BICRA: variants seen among roughly 807,000 people sequenced by gnomAD.
BICRA encodes BRD4-interacting chromatin-remodeling complex-associated protein.
Under a neutral mutation model 96.9 loss-of-function variants are expected in BICRA, and 31 were observed. The ratio of observed to expected loss-of-function variants is 0.32; its 90% CI spans 0.24 to 0.43. The LOEUF (loss-of-function observed/expected upper bound fraction) is 0.43, where lower values mean the gene tolerates loss of function less well. Ranked by LOEUF, BICRA falls within the 20% of genes least tolerant of loss-of-function variation. The pLI, the probability that BICRA is intolerant of heterozygous loss-of-function variation, is 1.00. For synonymous variants in BICRA, 1,350 were observed against 1,071.8 expected (o/e 1.26, Z -5.07); for missense variants, 2,283 against 2,190.3 (o/e 1.04, Z -0.84).
Position 47,680,968 on chromosome 19 carries a change from G to C in BICRA, c.1798G>C (p.Asp600His). Residue 600 changes from aspartate (D) to histidine (H), a missense_variant, in exon 6 of 15, where the codon GAC becomes CAC. Coordinates refer to ENST00000594866, the MANE Select transcript of BICRA (RefSeq NM_001394372.1). The part of the protein sequence containing the change: ...PSAVAMLNTP[D>H]GLVQPATPAA... Reference sequence around the variant, plus strand: ...CGCCGTGGCCATGCTCAACACCCCCGACGGCCTGGTGCAGCCGGCCACCCC... The same window carrying C: ...CGCCGTGGCCATGCTCAACACCCCCCACGGCCTGGTGCAGCCGGCCACCCC... The C allele has an allele frequency of 6.8e-7, 1 of 1,471,884 alleles. No homozygotes were observed. The highest frequency in any genetic ancestry group is 2.9e-5 in the East Asian group (1 of 35,044). 91.2% of individuals were successfully genotyped at this position (1,471,884 alleles called of 1,614,324 possible). A position where few individuals can be genotyped will look rare whatever the true frequency, so the allele number is the denominator to read the frequency against.
chr19:47,698,586 T>TGGGGGCTGTGCCCATTGCCC lies in BICRA; in HGVS notation c.3249-48_3249-47insGGGGGCTGTGCCCATTGCCC. The TGGGGGCTGTGCCCATTGCCC allele has an allele frequency of 1.4e-6, 1 of 716,714 alleles. No homozygotes were observed. Among genetic ancestry groups the TGGGGGCTGTGCCCATTGCCC allele is most frequent in the Non-Finnish European group, 2.5e-6 (1 of 392,850 alleles). The allele number at this position is 716,714 out of a possible 1,614,324, so 44.4% of individuals were successfully genotyped here. A position where few individuals can be genotyped will look rare whatever the true frequency, so the allele number is the denominator to read the frequency against. On this transcript the variant is annotated intron_variant, in intron 11 of 14. Coordinates refer to ENST00000594866, the MANE Select transcript of BICRA (RefSeq NM_001394372.1). This position sits in a 1 kb window ranked among gnomAD's most constrained non-coding sequence, Gnocchi z 4.8. ...AGGGACTTCCCCTGGCCCTCACCCG[T>TGGGGGCTGTGCCCATTGCCC]CCCCCCCACCCTCCGCCGTGTGTGG... is the stretch of plus-strand genomic sequence containing the variant.
chr19:47,679,172 AT>A, intron 5 of BICRA, 148 bp from the exon 6 acceptor site: 1 of 501,056 alleles, frequency 2.0e-6, no homozygotes, highest in Non-Finnish European at 3.4e-6. Flanking sequence ...AAGTGCTGAG[AT>A]TACAAGCGTG....
chr19:47,609,659 G>A (rs1225325115), intron 1 of BICRA, among the ~76,000 whole-genome samples: 1 of 151,790 alleles, frequency 6.6e-6, no homozygotes, highest in African/African-American at 2.4e-5. Flanking sequence ...CCGCCTTTCG[G>A]GGAAGGCGAA....
intron 8 of BICRA, 57 bp from the exon 9 acceptor site, chr19:47,694,843 G>C: frequency 7.6e-7 from 1 of 1,314,092 alleles, no homozygotes. Flanking sequence ...GCTGCGTCTG[G>C]ACACCCCTAC....
In BICRA at chr19:47,702,406, G is replaced by A; in HGVS notation, c.4674G>A (p.Leu1558=). The change falls in exon 15 of 15, where the codon TTG becomes TTA. Residue 1558 remains leucine (L), a synonymous_variant. Transcript: ENST00000594866. ...ACGGTGGCCTCGGCGCCAGGACGTT[G>A]ACCAGATAACACCGGGCCGCCTCCC... is the stretch of plus-strand genomic sequence containing the variant. ...SHNGGLGART[L]TR The A allele has an allele frequency of 1.3e-6, 2 of 1,512,304 alleles. No homozygotes were observed. Among genetic ancestry groups the A allele is most frequent in the Non-Finnish European group, 1.7e-6 (2 of 1,144,522 alleles). 93.7% of individuals were successfully genotyped at this position (1,512,304 alleles called of 1,614,324 possible). A position where few individuals can be genotyped will look rare whatever the true frequency, so the allele number is the denominator to read the frequency against.
chr19:47,661,131 G>A (rs368557142), intron 1 of BICRA, among the ~76,000 whole-genome samples: 7 of 150,486 alleles, frequency 4.7e-5, no homozygotes, highest in African/African-American at 7.4e-5. Flanking sequence ...GGAGAATGGC[G>A]TGAACCCGGG....
chr19:47,701,976 C>A lies in BICRA; in HGVS notation c.4244C>A (p.Ala1415Glu). ...PAGRARGGSP[A>E]PLPAKVDEAT... The stretch of plus-strand genomic sequence containing the variant: ...GGCAGGGCACGGGGAGGCAGCCCGG[C>A]GCCGCTGCCCGCCAAAGTGGACGAG... The change falls in exon 15 of 15, where the codon GCG (alanine) becomes GAG (glutamate). Residue 1415 changes from alanine to glutamate, a missense_variant. Physicochemically the swap from Ala to Glu is moderately radical, Grantham distance 107. Coordinates refer to ENST00000594866, the MANE Select transcript of BICRA (RefSeq NM_001394372.1). The surrounding 1 kb of genome is among the most constrained non-coding windows in gnomAD (Gnocchi z 5.4). 6.8e-7 allele frequency: 1 copy of A among 1,467,810 alleles called. No homozygotes were observed. The highest frequency in any genetic ancestry group is 8.9e-7 in the Non-Finnish European group (1 of 1,119,736). 90.9% of individuals were successfully genotyped at this position (1,467,810 alleles called of 1,614,324 possible).
In BICRA at chr19:47,698,937, GC is replaced by G; in HGVS notation, c.3398-25del. On this transcript the variant is annotated intron_variant, in intron 12 of 14. Coordinates refer to ENST00000594866, the MANE Select transcript of BICRA (RefSeq NM_001394372.1). The surrounding 1 kb of genome is among the most constrained non-coding windows in gnomAD (Gnocchi z 4.8). Reference sequence around the variant, plus strand: ...ATCCGCGGCCGCCCCCAACATCTCCGCCCTTGCCTCTCTTCCCTTCCTCGCA... The same window carrying G: ...ATCCGCGGCCGCCCCCAACATCTCCGCCTTGCCTCTCTTCCCTTCCTCGCA... 1 of 1,529,562 alleles carries G rather than the reference GC, an allele frequency of 6.5e-7. No individual in the cohort carries two copies. Among genetic ancestry groups the G allele is most frequent in the Non-Finnish European group, 8.9e-7 (1 of 1,123,684 alleles). 94.7% of individuals were successfully genotyped at this position (1,529,562 alleles called of 1,614,324 possible). A position where few individuals can be genotyped will look rare whatever the true frequency, so the allele number is the denominator to read the frequency against.
chr19:47,653,651 G>A (rs892868714), intron 1 of BICRA, among the ~76,000 whole-genome samples: 1 of 152,152 alleles, frequency 6.6e-6, no homozygotes, highest in Admixed American at 6.5e-5. Flanking sequence ...TTGGTGTCAT[G>A]CGTTCCAGGT....
intron 1 of BICRA, among the ~76,000 whole-genome samples, chr19:47,629,888 C>G (rs1972195820): frequency 6.6e-6 from 1 of 152,178 alleles, no homozygotes; most frequent in Non-Finnish European, 1.5e-5. Flanking sequence ...TAACTCCTGA[C>G]CTCAGGTGAT....
At position 47,680,334 on chromosome 19, in the gene BICRA, G is replaced by A. The variant is rs1973019339; in HGVS notation, c.1164G>A (p.Pro388=). 1.3e-6 allele frequency: 2 copies of A among 1,535,410 alleles called. No individual in the cohort carries two copies. Among genetic ancestry groups the A allele is most frequent in the Non-Finnish European group, 1.7e-6 (2 of 1,147,324 alleles). Residue 388 remains proline, a synonymous_variant, in exon 6 of 15, where the codon CCG becomes CCA. Transcript: ENST00000594866. ...LTIQGEPGAL[P]QQPKAPQNLT... ...TCCAGGGCGAGCCGGGGGCGCTCCC[G>A]CAGCAGCCCAAGGCCCCGCAGAACC...
intron 6 of BICRA, 109 bp from the exon 7 acceptor site, chr19:47,681,867 C>A: frequency 2.6e-6 from 2 of 776,552 alleles, no homozygotes; most frequent in Non-Finnish European, 4.0e-6. Context: ...CTGCCCACTA[C>A]CCCATTCTCT....
At chr19:47,614,751 T>G (rs1568544667) in intron 1 of BICRA, among the ~76,000 whole-genome samples, 1 of 152,212 alleles carries the variant, frequency 6.6e-6, no homozygotes, top group Non-Finnish European at 1.5e-5. Context: ...CCTCTATCTT[T>G]TTCTTGGCTG....
At chr19:47,668,057 T>C (rs1972809128) in intron 1 of BICRA, among the ~76,000 whole-genome samples, 1 of 152,112 alleles carries the variant, frequency 6.6e-6, no homozygotes, top group African/African-American at 2.4e-5. Flanking sequence ...AGTGAAACTC[T>C]GTCTTTACTA....
intron 1 of BICRA, among the ~76,000 whole-genome samples, chr19:47,655,889 A>C: frequency 6.7e-6 from 1 of 150,086 alleles, no homozygotes; most frequent in Non-Finnish European, 1.5e-5. Flanking sequence ...AAAAATAAAA[A>C]CGTCCCCAGT....
chr19:47,701,775 G>GGCCGCCACCACCACC lies in BICRA; in HGVS notation c.4050_4064dup (p.Pro1351_Pro1355dup), dbSNP rs778257758. On this transcript the variant is annotated inframe_insertion, in exon 15 of 15. Transcript: ENST00000594866. This position sits in a 1 kb window ranked among gnomAD's most constrained non-coding sequence, Gnocchi z 5.4. The stretch of plus-strand genomic sequence containing the variant: ...CTCAAGGTGGCCGAGCCCCCGCCAC[G>GGCCGCCACCACCACC]GCCGCCACCACCACCGCCGCCCACG... The GGCCGCCACCACCACC allele has an allele frequency of 1.5e-5, 23 of 1,527,924 alleles. No homozygotes were observed. Among genetic ancestry groups the GGCCGCCACCACCACC allele is most frequent in the Non-Finnish European group, 2.0e-5 (23 of 1,134,480 alleles). The allele number at this position is 1,527,924 out of a possible 1,614,324, so 94.6% of individuals were successfully genotyped here.
intron 7 of BICRA, among the ~76,000 whole-genome samples, chr19:47,690,091 T>C (rs1057128519): frequency 3.3e-5 from 5 of 152,208 alleles, no homozygotes; most frequent in African/African-American, 9.6e-5. Context: ...AACCTCCGCC[T>C]CCCAGGTTCA....
At position 47,695,342 on chromosome 19, in the gene BICRA, TCCCCCACCCCACCCA is replaced by T; in HGVS notation, c.3077-16_3077-2del. 1 of 630,196 alleles carries T rather than the reference TCCCCCACCCCACCCA, an allele frequency of 1.6e-6. No homozygotes were observed. Among genetic ancestry groups the T allele is most frequent in the Non-Finnish European group, 2.8e-6 (1 of 353,670 alleles). The allele number at this position is 630,196 out of a possible 1,614,324, so 39.0% of individuals were successfully genotyped here. ...TCATGCAGTGACCGCAGGCCCTGTC[TCCCCCACCCCACCCA>T]CCCCCAGGCCTCCCTCCTCTGCTTC... On this transcript the variant is annotated splice_polypyrimidine_tract_variant and splice_region_variant and intron_variant, in intron 9 of 14. Transcript: ENST00000594866.
At chr19:47,610,209 G>A (rs1383371904) in intron 1 of BICRA, among the ~76,000 whole-genome samples, 3 of 152,252 alleles carry the variant, frequency 2.0e-5, no homozygotes, top group Admixed American at 6.5e-5. Flanking sequence ...GAGGAGGAGG[G>A]AGGAGGGATG....
Sources: allele counts gnomAD v4.1 joint callset (sites outside exome capture counted in the v4.1 genomes callset), GRCh38; gene constraint gnomAD v4.1.1; non-coding constraint Gnocchi (gnomAD v3.1); transcripts MANE v1.5; gene names NCBI Gene and HGNC (gene_info 2026-07-23, HGNC 2026-07-21).